Variants in F13B observed in about 807,000 individuals in gnomAD.
F13B encodes TGase.
Under a neutral mutation model 79.8 loss-of-function variants are expected in F13B, and 58 were observed. That is an observed-to-expected ratio of 0.73 (90% confidence interval 0.59 to 0.90). The LOEUF (loss-of-function observed/expected upper bound fraction) is 0.90, where lower values mean the gene tolerates loss of function less well. Ranked by LOEUF, F13B falls within the 40% of genes least tolerant of loss-of-function variation. The pLI, the probability that F13B is intolerant of heterozygous loss-of-function variation, is 0.00. For synonymous variants in F13B, 283 were observed against 260.3 expected (o/e 1.09, Z -0.84); for missense variants, 773 against 777.0 (o/e 0.99, Z 0.06).
chr1:197,039,779 C>G (rs935662446), intron 11 of F13B, among the ~76,000 whole-genome samples: 2 of 151,868 alleles, frequency 1.3e-5, no homozygotes, highest in Non-Finnish European at 2.9e-5. Context: ...TATTTTTTTA[C>G]TAGAGTGGTC....
intron 10 of F13B, among the ~76,000 whole-genome samples, chr1:197,048,329 GA>G (rs1160845207): frequency 6.6e-6 from 1 of 151,460 alleles, no homozygotes; most frequent in African/African-American, 2.4e-5. Context: ...CATTACAAGG[GA>G]AAAAATTATA....
chr1:197,043,640 A>T (rs1199503607), intron 10 of F13B, among the ~76,000 whole-genome samples: 2 of 152,330 alleles, frequency 1.3e-5, no homozygotes, highest in East Asian at 3.9e-4. Flanking sequence ...AACTCAAAAG[A>T]TGAGTTTAAA....
At chr1:197,045,881 A>G (rs1056695110) in intron 10 of F13B, among the ~76,000 whole-genome samples, 4 of 152,182 alleles carry the variant, frequency 2.6e-5, no homozygotes, top group Non-Finnish European at 5.9e-5. Context: ...AATAAACATA[A>G]TCCATGACAT....
Position 197,057,036 on chromosome 1 carries a change from C to T in F13B, c.1148G>A (p.Trp383Ter). The T allele has an allele frequency of 6.2e-7, 1 of 1,613,658 alleles. No homozygotes were observed. Among genetic ancestry groups the T allele is most frequent in the Admixed American group, 1.7e-5 (1 of 59,944 alleles). The change falls in exon 7 of 12, where the codon TGG (tryptophan) becomes TAG (stop). Residue 383 changes from tryptophan (W) to a stop codon, truncating the protein, a stop_gained. Coordinates refer to ENST00000367412, the MANE Select transcript of F13B (RefSeq NM_001994.3). LOFTEE classifies it high-confidence loss of function. ...ACCAACACACTCAGGAGGAAGTGTCCATTTTCCACGATTACAAGTTATCTC... is the reference window on the plus strand; with the variant it reads ...ACCAACACACTCAGGAGGAAGTGTCTATTTTCCACGATTACAAGTTATCTC... ...SNEITCNRGK[W>*]TLPPECVENN...
Position 197,040,677 on chromosome 1 carries a change from A to G in F13B, c.1797T>C (p.Asp599=). 1.2e-6 allele frequency: 2 copies of G among 1,613,086 alleles called. No individual in the cohort carries two copies. Among genetic ancestry groups the G allele is most frequent in the South Asian group, 2.2e-5 (2 of 91,038 alleles). ...MEKNNLLLKW[D]FDNRPHILHG... is the part of the protein sequence containing the mutation. ...GCAAAATGTGTGGTCTATTGTCAAA[A>G]TCCCATTTCAGAAGTAAATTATTCT... is the stretch of plus-strand genomic sequence containing the variant. The change falls in exon 11 of 12, where the codon GAT becomes GAC. Residue 599 remains aspartate (D), a synonymous_variant. Coordinates refer to ENST00000367412, the MANE Select transcript of F13B (RefSeq NM_001994.3).
intron 1 of F13B, among the ~76,000 whole-genome samples, chr1:197,065,672 A>T (rs1476439429): frequency 6.6e-6 from 1 of 152,170 alleles, no homozygotes; most frequent in Non-Finnish European, 1.5e-5. Context: ...GCTATCTGTG[A>T]GTGAATACAG....
At position 197,040,648 on chromosome 1, in the gene F13B, C is replaced by A; in HGVS notation, c.1826G>T (p.Gly609Val). Residue 609 changes from glycine to valine, a missense_variant, in exon 11 of 12, where the codon GGT (glycine) becomes GTT (valine). By Grantham distance (109) the Gly-to-Val change is moderately radical. Coordinates refer to ENST00000367412, the MANE Select transcript of F13B (RefSeq NM_001994.3). Reference sequence around the variant, plus strand: ...TCTACAAATAAACTCAATATATTCACCATGCAAAATGTGTGGTCTATTGTC... The same window carrying A: ...TCTACAAATAAACTCAATATATTCAACATGCAAAATGTGTGGTCTATTGTC... ...DFDNRPHILH[G>V]EYIEFICRGD... is the part of the protein sequence containing the mutation. The A allele has an allele frequency of 6.2e-7, 1 of 1,612,662 alleles. No homozygotes were observed. The highest frequency in any genetic ancestry group is 8.5e-7 in the Non-Finnish European group (1 of 1,179,038).
At chr1:197,040,276 C>T in intron 11 of F13B, 8 of 445,088 alleles carry the variant, frequency 1.8e-5, no homozygotes, top group East Asian at 3.9e-5. Flanking sequence ...TTTATTTTTC[C>T]ATTTGCCAAA....
chr1:197,063,511 G>T (rs1420545624), intron 1 of F13B, among the ~76,000 whole-genome samples: 3 of 151,876 alleles, frequency 2.0e-5, no homozygotes, highest in Non-Finnish European at 4.4e-5. Flanking sequence ...AGAGATGAGG[G>T]GTCTCACTCT....
At chr1:197,064,003 C>T (rs1447152957) in intron 1 of F13B, among the ~76,000 whole-genome samples, 1 of 152,004 alleles carries the variant, frequency 6.6e-6, no homozygotes, top group Non-Finnish European at 1.5e-5. Context: ...TAAAACAAAG[C>T]AATACTTGGC....
Position 197,061,972 on chromosome 1 carries a change from A to G in F13B, c.266-3T>C. On this transcript the variant is annotated splice_region_variant and splice_polypyrimidine_tract_variant and intron_variant, in intron 2 of 11. Coordinates refer to ENST00000367412, the MANE Select transcript of F13B (RefSeq NM_001994.3). ...CAGGTCAGGCTTAGTGCATTTTTCT[A>G]TGGGAAAAAAAATTATTTAACTTAA... 2 of 1,608,590 alleles carry G rather than the reference A, an allele frequency of 1.2e-6. No individual in the cohort carries two copies. The highest frequency in any genetic ancestry group is 1.7e-6 in the Non-Finnish European group (2 of 1,176,240).
chr1:197,050,765 T>C lies in F13B; in HGVS notation c.1670A>G (p.His557Arg), dbSNP rs759631235. ...SSVEYRCFDH[H>R]FLEGSREAYC... The stretch of plus-strand genomic sequence containing the variant: ...GGCCTCCCTAGATCCTTCTAGGAAA[T>C]GGTGATCAAAACATCTGTATTCTAC... The change falls in exon 10 of 12, where the codon CAT (histidine) becomes CGT (arginine). Residue 557 changes from histidine to arginine, a missense_variant. By Grantham distance (29) the His-to-Arg change is conservative (BLOSUM62 0). Transcript: ENST00000367412. 9.3e-6 allele frequency: 15 copies of C among 1,613,372 alleles called. No individual in the cohort carries two copies. The Admixed American group carries it at 2.5e-4, about 27-fold the overall frequency.
At position 197,050,870 on chromosome 1, in the gene F13B, C is replaced by G; in HGVS notation, c.1565G>C (p.Gly522Ala). The change falls in exon 10 of 12, where the codon GGA becomes GCA. Residue 522 changes from glycine (G) to alanine (A), a missense_variant. Transcript: ENST00000367412. ...AATAAGAGGAGGAGATGTGCACATT[C>G]CTTTAGATTCTGCAAAAATAAGTTT... The part of the protein sequence containing the change: ...YPLCTRKESK[G>A]MCTSPPLIKH... The G allele has an allele frequency of 6.2e-7, 1 of 1,612,540 alleles. No individual in the cohort carries two copies. Among genetic ancestry groups the G allele is most frequent in the Non-Finnish European group, 8.5e-7 (1 of 1,179,084 alleles).
intron 8 of F13B, among the ~76,000 whole-genome samples, chr1:197,053,497 A>G (rs1382174441): frequency 2.0e-5 from 3 of 152,076 alleles, no homozygotes; most frequent in Non-Finnish European, 4.4e-5. Context: ...AAGACGTTCC[A>G]TGCTTCTCCT....
At chr1:197,063,978 A>G (rs1655961774) in intron 1 of F13B, among the ~76,000 whole-genome samples, 1 of 152,194 alleles carries the variant, frequency 6.6e-6, no homozygotes, top group South Asian at 2.1e-4. Flanking sequence ...TTAAAAGAAA[A>G]AACAGACAAC....
Position 197,060,548 on chromosome 1 carries a change from A to G in F13B, c.629-6T>C, listed in dbSNP as rs1278761150. 6.5e-7 allele frequency: 1 copy of G among 1,542,180 alleles called. No homozygotes were observed. Among genetic ancestry groups the G allele is most frequent in the Admixed American group, 1.8e-5 (1 of 57,064 alleles). On this transcript the variant is annotated splice_polypyrimidine_tract_variant and splice_region_variant and intron_variant, in intron 4 of 11. Coordinates refer to ENST00000367412, the MANE Select transcript of F13B (RefSeq NM_001994.3). ...TAAAGAAGAGCACTTTAATTCTGCA[A>G]ATAAAAGAATGAATAAAATTACAAA...
chr1:197,062,557 T>G (rs1440486532), intron 2 of F13B, among the ~76,000 whole-genome samples: 1 of 152,170 alleles, frequency 6.6e-6, no homozygotes, highest in East Asian at 1.9e-4. Flanking sequence ...TCAAAATAAG[T>G]TTCTTGTTAC....
Position 197,067,214 on chromosome 1 carries a change from T to C in F13B, c.10A>G (p.Lys4Glu), listed in dbSNP as rs772099185. ...AATATGATGATAAAAGTCAGGTTTTTCAACCTCATCTTCAGTGGTGTGCTT... is the reference window on the plus strand; with the variant it reads ...AATATGATGATAAAAGTCAGGTTTTCCAACCTCATCTTCAGTGGTGTGCTT... The part of the protein sequence containing the change: MRL[K>E]NLTFIIILII... The change falls in exon 1 of 12, where the codon AAA becomes GAA. Residue 4 changes from lysine to glutamate, a missense_variant. By Grantham distance (56) the Lys-to-Glu change is moderately conservative. Coordinates refer to ENST00000367412, the MANE Select transcript of F13B (RefSeq NM_001994.3). 1 of 1,609,026 alleles carries C rather than the reference T, an allele frequency of 6.2e-7. No individual in the cohort carries two copies. Among genetic ancestry groups the C allele is most frequent in the Non-Finnish European group, 8.5e-7 (1 of 1,175,954 alleles).
intron 8 of F13B, among the ~76,000 whole-genome samples, 164 bp downstream of exon 8, chr1:197,055,551 G>T (rs778376080): frequency 5.9e-5 from 9 of 151,804 alleles, no homozygotes; most frequent in Non-Finnish European, 1.2e-4. Context: ...TACCACAATA[G>T]AAAAAATACA....
Sources: allele counts gnomAD v4.1 joint callset (sites outside exome capture counted in the v4.1 genomes callset), GRCh38; gene constraint gnomAD v4.1.1; transcripts MANE v1.5; gene names NCBI Gene and HGNC (gene_info 2026-07-23, HGNC 2026-07-21).